Variants in AIG1 observed in about 807,000 individuals in gnomAD.
AIG1 encodes the protein androgen-induced gene 1 protein.
Under a neutral mutation model 31.4 loss-of-function variants are expected in AIG1, and 23 were observed. That is an observed-to-expected ratio of 0.73 (90% confidence interval 0.53 to 1.04). The LOEUF is 1.04. Among genes scored for constraint, AIG1 ranks in the 50% least tolerant of loss-of-function variants. The pLI, the probability that AIG1 is intolerant of heterozygous loss-of-function variation, is 0.00. For missense variants in AIG1, 274 were observed against 295.0 expected, an observed-to-expected ratio of 0.93 and a Z score of 0.52; for synonymous variants, 100 against 110.5, an observed-to-expected ratio of 0.90 and a Z score of 0.60.
At chr6:143,165,002 T>C in intron 2 of AIG1, 80 bp from the exon 3 acceptor site, 2 of 1,108,178 alleles carry the variant, frequency 1.8e-6, no homozygotes, top group South Asian at 1.4e-5. Context: ...TGTTGGATTC[T>C]TTCAACTATT....
chr6:143,120,462 T>C lies in AIG1; in HGVS notation c.142-16373T>C, dbSNP rs1409106702. ...GGCTGGGGAGGCCTCACATTCATGA[T>C]GGAAGGTGAAGGAGGAGCAAAGGCA... is the stretch of plus-strand genomic sequence containing the variant. On this transcript the variant is annotated intron_variant, in intron 1 of 5. Transcript: ENST00000357847. Among the ~76,000 whole-genome samples the C allele has an allele frequency of 2.6e-5, 4 of 152,194 alleles. No individual in the cohort carries two copies. In the East Asian group the frequency reaches 7.7e-4, roughly 29 times the overall value.
chr6:143,078,953 C>A (rs919564320), intron 1 of AIG1, among the ~76,000 whole-genome samples: 3 of 152,176 alleles, frequency 2.0e-5, no homozygotes, highest in Non-Finnish European at 4.4e-5. Flanking sequence ...TTCTTTTATA[C>A]TCTCCAGCTC....
At chr6:143,196,372 C>T (rs969975426) in intron 3 of AIG1, among the ~76,000 whole-genome samples, 1 of 149,878 alleles carries the variant, frequency 6.7e-6, no homozygotes, top group Admixed American at 6.6e-5. Flanking sequence ...CACACACACA[C>T]ACACACACAC....
intron 3 of AIG1, among the ~76,000 whole-genome samples, chr6:143,229,949 T>A (rs1290224980): frequency 1.3e-5 from 2 of 152,128 alleles, no homozygotes; most frequent in Non-Finnish European, 2.9e-5. Context: ...ATGGTCTTAT[T>A]GTCTTATTTT....
At chr6:143,164,887 GA>G (rs1420625678) in intron 2 of AIG1, 194 bp from the exon 3 acceptor site, 1 of 471,170 alleles carries the variant, frequency 2.1e-6, no homozygotes, top group Non-Finnish European at 3.8e-6. Context: ...AGATCAGAGA[GA>G]GAGGAGGCAC....
chr6:143,085,777 C>G (rs1419237282), intron 1 of AIG1, among the ~76,000 whole-genome samples: 3 of 152,194 alleles, frequency 2.0e-5, no homozygotes, highest in Non-Finnish European at 4.4e-5. Flanking sequence ...CTATCAATTA[C>G]TGAATACCCA....
intron 1 of AIG1, among the ~76,000 whole-genome samples, chr6:143,083,511 G>T (rs1778477573): frequency 3.3e-5 from 5 of 152,176 alleles, no homozygotes; most frequent in Admixed American, 3.3e-4. Context: ...TCTAGTATTT[G>T]GGAAAGTGGA....
At chr6:143,143,528 AATATATATATATATAT>A (rs1245695724) in intron 2 of AIG1, among the ~76,000 whole-genome samples, 1 of 27,784 alleles carries the variant, frequency 3.6e-5, no homozygotes, top group South Asian at 1.7e-3. Flanking sequence ...AAAAAAAAAA[AATATATATATATATAT>A]ATATATATAT....
intron 1 of AIG1, among the ~76,000 whole-genome samples, chr6:143,128,276 G>T (rs1253161561): frequency 6.6e-6 from 1 of 152,158 alleles, no homozygotes; most frequent in Admixed American, 6.5e-5. Flanking sequence ...ACATGACTCA[G>T]TAAATCAGCT....
Position 143,186,450 on chromosome 6 carries a change from C to T in AIG1, c.399+21267C>T, listed in dbSNP as rs117197571. On this transcript the variant is annotated intron_variant, in intron 3 of 5. Coordinates refer to ENST00000357847, the MANE Select transcript of AIG1 (RefSeq NM_016108.4). ...GATTGGTGGAAACGTTTCCCCTTTA[C>T]GCAACCCATTTCATCCTTATCAAGT... is the stretch of plus-strand genomic sequence containing the variant. Among the ~76,000 whole-genome samples, 507 of 152,282 alleles carry T rather than the reference C, an allele frequency of 3.3e-3. 13 individuals carry two copies. In the East Asian group the frequency reaches 0.062, roughly 19 times the overall value.
At chr6:143,099,006 C>T (rs534980122) in intron 1 of AIG1, among the ~76,000 whole-genome samples, 4 of 152,304 alleles carry the variant, frequency 2.6e-5, no homozygotes, top group Admixed American at 6.5e-5. Flanking sequence ...GAACCATCTT[C>T]ATATTGACTA....
intron 3 of AIG1, among the ~76,000 whole-genome samples, chr6:143,169,507 A>G (rs1169372015): frequency 6.6e-6 from 1 of 152,102 alleles, no homozygotes; most frequent in Admixed American, 6.6e-5. Flanking sequence ...TTGTTAACCT[A>G]TATTCATTCT....
chr6:143,114,895 T>C (rs1781609690), intron 1 of AIG1, among the ~76,000 whole-genome samples: 1 of 152,100 alleles, frequency 6.6e-6, no homozygotes. Flanking sequence ...GCTCGTGGAG[T>C]TGTTACGAAG....
chr6:143,332,183 T>C (rs1459088519), intron 4 of AIG1, among the ~76,000 whole-genome samples: 1 of 152,172 alleles, frequency 6.6e-6, no homozygotes, highest in African/African-American at 2.4e-5. Context: ...GTAATATTTA[T>C]ATGTAGATAA....
intron 3 of AIG1, among the ~76,000 whole-genome samples, chr6:143,171,499 T>C (rs1270512811): frequency 1.6e-5 from 2 of 123,352 alleles, no homozygotes; most frequent in Non-Finnish European, 3.2e-5. Context: ...ATATATAATA[T>C]ATATTTAATA....
At chr6:143,215,941 C>A (rs1357775716) in intron 3 of AIG1, among the ~76,000 whole-genome samples, 1 of 152,128 alleles carries the variant, frequency 6.6e-6, no homozygotes, top group Non-Finnish European at 1.5e-5. Flanking sequence ...ACAGACAATA[C>A]ATAAACGAAT....
At chr6:143,339,538 G>A (rs1777756710) in intron 5 of AIG1, 101 bp from the exon 6 acceptor site, 1 of 1,198,062 alleles carries the variant, frequency 8.3e-7, no homozygotes, top group East Asian at 2.5e-5. Flanking sequence ...AGAAGTGAGG[G>A]CAGATGAGTG....
At chr6:143,200,188 A>G (rs1275115719) in intron 3 of AIG1, among the ~76,000 whole-genome samples, 1 of 152,182 alleles carries the variant, frequency 6.6e-6, no homozygotes, top group Admixed American at 6.5e-5. Context: ...GAGCACAGAG[A>G]AAGGTTAGCG....
rs143565213 is a variant in AIG1, at chr6:143,096,160, C to A, written c.141+35094C>A. Among the ~76,000 whole-genome samples, 1,467 of 152,186 alleles carry A rather than the reference C, an allele frequency of 9.6e-3. 17 individuals are homozygous for A. The highest frequency in any genetic ancestry group is 0.027 in the African/African-American group (1,103 of 41,526). ...TGACCTTGGAATTTGCCTGCTTTGG[C>A]CTGCCAAAGTGCTGGGATTACAGGC... On this transcript the variant is annotated intron_variant, in intron 1 of 5. Transcript: ENST00000357847.
Sources: allele counts gnomAD v4.1 joint callset (sites outside exome capture counted in the v4.1 genomes callset), GRCh38; gene constraint gnomAD v4.1.1; transcripts MANE v1.5; gene names NCBI Gene and HGNC (gene_info 2026-07-23, HGNC 2026-07-21).